PLXNA4: variants seen among roughly 807,000 people sequenced by gnomAD.
PLXNA4 encodes the protein plexin A4.
A neutral mutation model predicts 191.8 loss-of-function variants in PLXNA4; 44 were observed. That is an observed-to-expected ratio of 0.23 (90% CI 0.18 to 0.29). The LOEUF (loss-of-function observed/expected upper bound fraction) is 0.29. PLXNA4 is among the 10% of genes least tolerant of loss of function. PLXNA4 has a pLI of 1.00. For synonymous variants in PLXNA4, 1,082 were observed against 1,009.5 expected (o/e 1.07, Z -1.36); for missense variants, 1,800 against 2,488.8 (o/e 0.72, Z 5.89).
intron 9 of PLXNA4, among the ~76,000 whole-genome samples, chr7:132,212,386 C>T (rs556472332): frequency 4.6e-5 from 7 of 152,238 alleles, no homozygotes; most frequent in East Asian, 1.9e-4. Context: ...CCAGAGCAAA[C>T]ATGAGCCAAA....
At chr7:132,297,131 G>T (rs1801115608) in intron 4 of PLXNA4, among the ~76,000 whole-genome samples, 2 of 152,138 alleles carry the variant, frequency 1.3e-5, no homozygotes, top group African/African-American at 4.8e-5. Flanking sequence ...CTGTCAGCAG[G>T]GTCCTCCAGA....
intron 3 of PLXNA4, among the ~76,000 whole-genome samples, chr7:132,448,605 C>A (rs1054985688): frequency 1.3e-5 from 2 of 152,190 alleles, no homozygotes; most frequent in African/African-American, 4.8e-5. Flanking sequence ...TAAACAATCA[C>A]CTTTCCTTCC....
intron 4 of PLXNA4, among the ~76,000 whole-genome samples, chr7:132,282,319 T>C (rs1156827375): frequency 6.6e-6 from 1 of 152,100 alleles, no homozygotes; most frequent in Admixed American, 6.5e-5. Context: ...ACGCCTGCAA[T>C]CCCAGCACTT....
At position 132,386,442 on chromosome 7, in the gene PLXNA4, G is replaced by T. The variant is rs568206687; in HGVS notation, c.1372-88220C>A. 8.5e-5 allele frequency among the ~76,000 whole-genome samples: 13 copies of T among 152,346 alleles called. No homozygotes were observed. The South Asian group carries it at 2.5e-3, about 29-fold the overall frequency. ...ATTAACACCCAGCCCTCCCCTGTGG[G>T]CATGCAAGGCAGGAAGCCTTCTCAC... is the stretch of plus-strand genomic sequence containing the variant. On this transcript the variant is annotated intron_variant, in intron 3 of 31. Coordinates refer to ENST00000321063, the MANE Select transcript of PLXNA4 (RefSeq NM_020911.2).
chr7:132,434,565 A>C (rs957499975), intron 3 of PLXNA4, among the ~76,000 whole-genome samples: 4 of 152,140 alleles, frequency 2.6e-5, no homozygotes, highest in Non-Finnish European at 5.9e-5. Flanking sequence ...GACTACAACT[A>C]TTGCTTTCTT....
intron 4 of PLXNA4, chr7:132,271,109 A>C (rs559326962): frequency 1.3e-5 from 2 of 151,968 alleles, no homozygotes; most frequent in Non-Finnish European, 2.9e-5. Context: ...TTTTCCCCCC[A>C]CAGCAACAAT....
intron 3 of PLXNA4, among the ~76,000 whole-genome samples, chr7:132,401,128 A>G (rs981266473): frequency 6.6e-6 from 1 of 152,232 alleles, no homozygotes; most frequent in Non-Finnish European, 1.5e-5. Context: ...ACACTCGCCA[A>G]TGCAAAAAAC....
At chr7:132,332,877 A>G (rs914800001) in intron 3 of PLXNA4, among the ~76,000 whole-genome samples, 1 of 151,952 alleles carries the variant, frequency 6.6e-6, no homozygotes, top group Non-Finnish European at 1.5e-5. Flanking sequence ...GAAAAAAAAA[A>G]AAAAGGACAG....
intron 3 of PLXNA4, among the ~76,000 whole-genome samples, chr7:132,315,554 G>A (rs1000323910): frequency 6.6e-6 from 1 of 152,194 alleles, no homozygotes; most frequent in African/African-American, 2.4e-5. Flanking sequence ...CTCAAAGTTA[G>A]ATTATAGCTA....
intron 1 of PLXNA4, among the ~76,000 whole-genome samples, chr7:132,565,844 C>G (rs1047139678): frequency 2.6e-5 from 4 of 152,184 alleles, no homozygotes; most frequent in Admixed American, 2.6e-4. Flanking sequence ...TCAATACAAG[C>G]TGTTGTCAGG....
At chr7:132,381,719 A>T (rs1378537289) in intron 3 of PLXNA4, among the ~76,000 whole-genome samples, 1 of 152,224 alleles carries the variant, frequency 6.6e-6, no homozygotes, top group African/African-American at 2.4e-5. Context: ...GGTGTGATTC[A>T]AATCAGATTG....
chr7:132,189,030 AAGAGAGAGAGAGAGAG>A (rs3085197), intron 14 of PLXNA4, among the ~76,000 whole-genome samples: 6 of 61,914 alleles, frequency 9.7e-5, no homozygotes, highest in African/African-American at 2.5e-4. Flanking sequence ...GAGAGAGAGA[AAGAGAGAGAGAGAGAG>A]AGAGAGAGAG....
rs576191870 is a variant in PLXNA4, at chr7:132,328,843, G to A, written c.1372-30621C>T. 3.4e-4 allele frequency among the ~76,000 whole-genome samples: 52 copies of A among 152,280 alleles called. 1 individual carries two copies. Among genetic ancestry groups the A allele is most frequent in the African/African-American group, 1.2e-3 (51 of 41,552 alleles). The stretch of plus-strand genomic sequence containing the variant: ...AAGCATGATTTCCTGTCCTGCTCAT[G>A]GCAACTCTGAGAGGGAGAGACCATT... On this transcript the variant is annotated intron_variant, in intron 3 of 31. Coordinates refer to ENST00000321063, the MANE Select transcript of PLXNA4 (RefSeq NM_020911.2).
At chr7:132,476,378 C>T (rs548975721) in intron 3 of PLXNA4, among the ~76,000 whole-genome samples, 3 of 152,264 alleles carry the variant, frequency 2.0e-5, no homozygotes, top group South Asian at 2.1e-4. Context: ...CAATATGATG[C>T]GAGTTTAAGA....
rs527319200 is a variant in PLXNA4 at position 132,143,199 on chromosome 7, A to G, written c.5225+1920T>C. Among the ~76,000 whole-genome samples the G allele has an allele frequency of 3.9e-5, 6 of 152,296 alleles. No homozygotes were observed. The South Asian group carries it at 8.3e-4, about 21-fold the overall frequency. On this transcript the variant is annotated intron_variant, in intron 29 of 31. Transcript: ENST00000321063. ...CAATTAACTCCAAGTCAATATGCAGATCTTAAAATTCCCAGACTGTGTCTT... is the reference window on the plus strand; with the variant it reads ...CAATTAACTCCAAGTCAATATGCAGGTCTTAAAATTCCCAGACTGTGTCTT...
At chr7:132,421,020 A>C (rs1794832667) in intron 3 of PLXNA4, among the ~76,000 whole-genome samples, 1 of 152,242 alleles carries the variant, frequency 6.6e-6, no homozygotes, top group South Asian at 2.1e-4. Context: ...ATGGACTAAC[A>C]CAACTGCCAT....
chr7:132,224,989 G>A (rs1190149734), intron 8 of PLXNA4, among the ~76,000 whole-genome samples: 1 of 152,188 alleles, frequency 6.6e-6, no homozygotes, highest in East Asian at 1.9e-4. Context: ...GGAACTCTGG[G>A]GATCCCATGG....
chr7:132,268,682 C>A (rs569388665), intron 4 of PLXNA4, among the ~76,000 whole-genome samples: 1 of 152,322 alleles, frequency 6.6e-6, no homozygotes, highest in African/African-American at 2.4e-5. Flanking sequence ...CACATGACAT[C>A]TCAGACTGCT....
At chr7:132,384,519 G>A in intron 3 of PLXNA4, 2 of 986,638 alleles carry the variant, frequency 2.0e-6, no homozygotes, top group Non-Finnish European at 1.2e-6. Context: ...AAGGAAAGGA[G>A]ACTGGACAAC....
Sources: gnomAD v4.1 joint callset for allele counts (sites outside exome capture counted in the v4.1 genomes callset) on GRCh38, gnomAD v4.1.1 for gene constraint, MANE v1.5 for transcripts, NCBI Gene and HGNC (gene_info 2026-07-23, HGNC 2026-07-21) for gene names.